Variants in METTL15 observed in about 807,000 individuals in gnomAD.
The protein encoded by METTL15 is methyltransferase 15, mitochondrial 12S rRNA N4-cytidine.
In METTL15, 34 loss-of-function variants were observed where a neutral mutation model predicts 38.3. The observed-to-expected ratio is 0.89, with a 90% CI of 0.68 to 1.18. The LOEUF is 1.18. METTL15 is among the 50% of genes most tolerant of loss of function. The pLI is 0.00. For missense variants in METTL15, 438 were observed against 498.4 expected, an observed-to-expected ratio of 0.88 and a Z score of 1.15; for synonymous variants, 162 against 170.9, an observed-to-expected ratio of 0.95 and a Z score of 0.41.
At chr11:28,149,081 C>T (rs780260671) in intron 3 of METTL15, among the ~76,000 whole-genome samples, 8 of 151,920 alleles carry the variant, frequency 5.3e-5, no homozygotes, top group Non-Finnish European at 7.4e-5. Flanking sequence ...CAATAATACA[C>T]TTTATTTTTT....
chr11:28,363,831 C>A (rs1053648259), intron 5 of METTL15, among the ~76,000 whole-genome samples: 3 of 152,144 alleles, frequency 2.0e-5, no homozygotes, highest in African/African-American at 7.2e-5. Flanking sequence ...AGATTTAAAG[C>A]TTTAATCCAT....
chr11:28,301,037 C>T (rs572369712), intron 6 of METTL15, among the ~76,000 whole-genome samples: 2 of 152,200 alleles, frequency 1.3e-5, no homozygotes, highest in Admixed American at 6.5e-5. Flanking sequence ...ATAATACAGG[C>T]GTAGAGACTT....
At chr11:28,384,052 C>G (rs762664488) in intron 5 of METTL15, among the ~76,000 whole-genome samples, 1 of 152,032 alleles carries the variant, frequency 6.6e-6, no homozygotes, top group Non-Finnish European at 1.5e-5. Context: ...TAAGTGAGAA[C>G]ATGTGTTATT....
At chr11:28,207,431 A>G (rs1476107397) in intron 3 of METTL15, among the ~76,000 whole-genome samples, 3 of 152,114 alleles carry the variant, frequency 2.0e-5, no homozygotes, top group African/African-American at 7.2e-5. Context: ...GCATATGTTG[A>G]ACCAGCCTTG....
Position 28,270,147 on chromosome 11 carries a change from A to T in METTL15, c.408-20059A>T, listed in dbSNP as rs757814398. On this transcript the variant is annotated intron_variant, in intron 4 of 6. Coordinates refer to ENST00000407364, the MANE Select transcript of METTL15 (RefSeq NM_001113528.2). ...AGTAATCCTCACATATTGTTGAATT[A>T]TTTTTCTTTGGAAAATTCAAATTTT... Among the ~76,000 whole-genome samples the T allele has an allele frequency of 3.3e-5, 5 of 152,154 alleles. No individual in the cohort carries two copies. In the South Asian group the frequency reaches 8.3e-4, roughly 25 times the overall value.
intron 5 of METTL15, among the ~76,000 whole-genome samples, chr11:28,386,234 TG>T (rs1350142635): frequency 6.6e-6 from 1 of 151,932 alleles, no homozygotes; most frequent in African/African-American, 2.4e-5. Flanking sequence ...CAGTTTAAAA[TG>T]GCAGTTTTAA....
chr11:28,237,407 T>C (rs1345759112), intron 4 of METTL15, among the ~76,000 whole-genome samples: 1 of 152,240 alleles, frequency 6.6e-6, no homozygotes, highest in East Asian at 1.9e-4. Flanking sequence ...CTCTTGAGGC[T>C]TCTGCATTCT....
intron 3 of METTL15, among the ~76,000 whole-genome samples, chr11:28,161,090 C>T (rs1018360811): frequency 6.9e-6 from 1 of 145,300 alleles, no homozygotes; most frequent in East Asian, 2.0e-4. Flanking sequence ...GTGATATAGT[C>T]AGATGTTTGC....
intron 4 of METTL15, among the ~76,000 whole-genome samples, chr11:28,221,844 A>C (rs937532780): frequency 1.3e-5 from 2 of 152,176 alleles, no homozygotes; most frequent in African/African-American, 4.8e-5. Flanking sequence ...CCTGGGTATC[A>C]GCAGAGGTGG....
chr11:28,271,169 C>A (rs1231223970), intron 4 of METTL15, among the ~76,000 whole-genome samples: 1 of 152,142 alleles, frequency 6.6e-6, no homozygotes, highest in Non-Finnish European at 1.5e-5. Context: ...GGTCACACAG[C>A]ATTTCTGGAC....
At chr11:28,531,115 A>G (rs1321967527), downstream of METTL15, among the ~76,000 whole-genome samples, 2 of 151,976 alleles carry the variant, frequency 1.3e-5, no homozygotes, top group Non-Finnish European at 2.9e-5. Flanking sequence ...CTTCAAGCAG[A>G]AAAGGATTAT....
chr11:28,265,943 C>G (rs1855398832), intron 4 of METTL15, among the ~76,000 whole-genome samples: 1 of 152,184 alleles, frequency 6.6e-6, no homozygotes, highest in African/African-American at 2.4e-5. Context: ...GGTATATCTC[C>G]TAATGCTATC....
intron 4 of METTL15, among the ~76,000 whole-genome samples, chr11:28,234,301 G>A (rs1331910110): frequency 1.3e-5 from 2 of 151,686 alleles, no homozygotes; most frequent in Non-Finnish European, 2.9e-5. Context: ...ATGATTTATA[G>A]TCCTTTGGGT....
At position 28,510,581 on chromosome 11, in the gene METTL15, A is replaced by C. The variant is rs543415957; in HGVS notation, c.*425-15897A>C. On this transcript the variant is annotated intron_variant and NMD_transcript_variant, in intron 6 of 7. Coordinates refer to the METTL15 transcript ENST00000532947. ...TGAACAATTTTGAATGCTATGTGTC[A>C]GACATTATGTTGATGATTACCACAT... Among the ~76,000 whole-genome samples the C allele has an allele frequency of 2.6e-5, 4 of 152,358 alleles. No individual in the cohort carries two copies. The South Asian group carries it at 8.3e-4, about 32-fold the overall frequency.
intron 4 of METTL15, among the ~76,000 whole-genome samples, chr11:28,222,628 C>T (rs1045618519): frequency 6.6e-6 from 1 of 152,196 alleles, no homozygotes; most frequent in African/African-American, 2.4e-5. Flanking sequence ...CAGAAATCAT[C>T]CATCTTCTGC....
At position 28,114,991 on chromosome 11, in the gene METTL15, G is replaced by A. The variant is rs139596562; in HGVS notation, c.270+1387G>A. The stretch of plus-strand genomic sequence containing the variant: ...TTATTTCATAATCCTTTCAGGAATG[G>A]CTGGAGACAAAGATATGAATCTGAA... On this transcript the variant is annotated intron_variant, in intron 3 of 6. Coordinates refer to ENST00000407364, the MANE Select transcript of METTL15 (RefSeq NM_001113528.2). Among the ~76,000 whole-genome samples, 524 of 152,252 alleles carry A rather than the reference G, an allele frequency of 3.4e-3. 6 individuals carry two copies. The highest frequency in any genetic ancestry group is 0.012 in the African/African-American group (504 of 41,546).
At chr11:28,156,466 C>A (rs983537542) in intron 3 of METTL15, among the ~76,000 whole-genome samples, 5 of 152,128 alleles carry the variant, frequency 3.3e-5, no homozygotes, top group African/African-American at 1.2e-4. Flanking sequence ...ATATTCAGTA[C>A]AACAGAATCT....
At chr11:28,501,730 T>C (rs1851584431) in intron 6 of METTL15, among the ~76,000 whole-genome samples, 1 of 152,084 alleles carries the variant, frequency 6.6e-6, no homozygotes, top group Non-Finnish European at 1.5e-5. Context: ...CAGTGGTCAT[T>C]AGTCCAGGGA....
At chr11:28,484,474 C>G (rs1311913913) in intron 6 of METTL15, among the ~76,000 whole-genome samples, 1 of 152,158 alleles carries the variant, frequency 6.6e-6, no homozygotes, top group African/African-American at 2.4e-5. Context: ...CAACCCCGGA[C>G]TGCCTATGGT....
Sources: gnomAD v4.1 joint callset for allele counts (sites outside exome capture counted in the v4.1 genomes callset) on GRCh38, gnomAD v4.1.1 for gene constraint, MANE v1.5 for transcripts, NCBI Gene and HGNC (gene_info 2026-07-23, HGNC 2026-07-21) for gene names.